Variants in SIPA1L3 observed in about 807,000 individuals in gnomAD.
SIPA1L3 encodes the protein signal induced proliferation associated 1 like 3.
A neutral mutation model predicts 150.1 loss-of-function variants in SIPA1L3; 59 were observed. The observed-to-expected ratio is 0.39, with a 90% CI of 0.32 to 0.49. SIPA1L3 has a LOEUF of 0.49. Ranked by LOEUF, SIPA1L3 falls within the 20% of genes least tolerant of loss-of-function variation. The probability of loss-of-function intolerance (pLI) is 0.86; values close to 1 mark genes in which losing one functional copy is unlikely to be tolerated. For missense variants in SIPA1L3, 2,211 were observed against 2,489.5 expected (o/e 0.89, Z 2.38); for synonymous variants, 1,070 against 1,077.6 (o/e 0.99, Z 0.14).
intron 1 of SIPA1L3, among the ~76,000 whole-genome samples, chr19:38,003,754 G>C (rs1209760662): frequency 6.6e-6 from 1 of 152,104 alleles, no homozygotes; most frequent in Non-Finnish European, 1.5e-5. Flanking sequence ...GTCCTCTCTC[G>C]GGACTGTGCC....
intron 15 of SIPA1L3, among the ~76,000 whole-genome samples, chr19:38,171,962 A>C (rs948967470): frequency 6.6e-6 from 1 of 152,188 alleles, no homozygotes; most frequent in African/African-American, 2.4e-5. Flanking sequence ...AGCAGTGGCC[A>C]GAACATTCAG....
At chr19:38,077,104 A>C (rs949603788) in intron 2 of SIPA1L3, among the ~76,000 whole-genome samples, 2 of 152,178 alleles carry the variant, frequency 1.3e-5, no homozygotes, top group Non-Finnish European at 2.9e-5. Flanking sequence ...TGGCAGGAGA[A>C]GCAGCTTCTG....
intron 1 of SIPA1L3, among the ~76,000 whole-genome samples, chr19:37,914,577 A>G (rs2046401364): frequency 1.3e-5 from 2 of 151,854 alleles, no homozygotes; most frequent in Non-Finnish European, 2.9e-5. Flanking sequence ...AGGTTACACC[A>G]TGTTGGCCAG....
At chr19:38,140,568 C>T (rs781199433) in intron 10 of SIPA1L3, among the ~76,000 whole-genome samples, 7 of 152,076 alleles carry the variant, frequency 4.6e-5, no homozygotes, top group African/African-American at 1.4e-4. Flanking sequence ...AGGACACTGG[C>T]GGCCTGGCAG....
chr19:38,018,037 G>A (rs1018186657), intron 1 of SIPA1L3, among the ~76,000 whole-genome samples: 1 of 151,096 alleles, frequency 6.6e-6, no homozygotes, highest in Non-Finnish European at 1.5e-5. Flanking sequence ...GGCTCCCTGC[G>A]TGTTTCTTTG....
intron 10 of SIPA1L3, among the ~76,000 whole-genome samples, chr19:38,136,183 CAAAAA>C (rs56146390): frequency 5.4e-4 from 24 of 44,114 alleles, no homozygotes; most frequent in African/African-American, 1.2e-3. Context: ...GAGACTGTCT[CAAAAA>C]AAAAAAAAAA....
At chr19:37,959,620 A>G (rs1339056320) in intron 1 of SIPA1L3, among the ~76,000 whole-genome samples, 1 of 152,164 alleles carries the variant, frequency 6.6e-6, no homozygotes, top group Admixed American at 6.5e-5. Flanking sequence ...TGAATTACAC[A>G]CTTTTAAAGG....
intron 7 of SIPA1L3, chr19:38,109,337 T>C (rs1036062341): frequency 6.6e-6 from 1 of 152,262 alleles, no homozygotes; most frequent in Non-Finnish European, 1.5e-5. Flanking sequence ...GTGAAACTTA[T>C]TTACTATCAC....
intron 12 of SIPA1L3, among the ~76,000 whole-genome samples, chr19:38,147,131 G>A (rs1292592199): frequency 1.3e-5 from 2 of 151,648 alleles, no homozygotes; most frequent in Non-Finnish European, 2.9e-5. Flanking sequence ...GTGTCATCTC[G>A]GCTCCCTGCA....
chr19:38,030,206 C>G (rs1968613865), intron 2 of SIPA1L3, among the ~76,000 whole-genome samples: 1 of 152,076 alleles, frequency 6.6e-6, no homozygotes, highest in Non-Finnish European at 1.5e-5. Context: ...AAACTGCCAC[C>G]ACGATCAAGA....
intron 1 of SIPA1L3, among the ~76,000 whole-genome samples, chr19:37,947,185 C>T (rs959461918): frequency 4.0e-5 from 6 of 151,296 alleles, no homozygotes; most frequent in Non-Finnish European, 7.4e-5. Context: ...CAGAGTGAGA[C>T]CTTGTCTCTT....
At chr19:38,093,403 T>C (rs2145845308) in intron 4 of SIPA1L3, among the ~76,000 whole-genome samples, 1 of 152,214 alleles carries the variant, frequency 6.6e-6, no homozygotes, top group South Asian at 2.1e-4. Flanking sequence ...TCCTTTCCTC[T>C]CAGAGCCTCA....
rs149202507 is a variant in SIPA1L3 at position 37,924,786 on chromosome 19, C to A, written c.-379+17428C>A. On this transcript the variant is annotated intron_variant, in intron 1 of 21. Coordinates refer to ENST00000222345, the MANE Select transcript of SIPA1L3 (RefSeq NM_015073.3). Reference sequence around the variant, plus strand: ...TACATGGGCTGGGTGTGGTGGCTCACGCCTGTAATCCCAGCACTTTCGGAG... The same window carrying A: ...TACATGGGCTGGGTGTGGTGGCTCAAGCCTGTAATCCCAGCACTTTCGGAG... Among the ~76,000 whole-genome samples the A allele has an allele frequency of 8.5e-5, 13 of 152,056 alleles. No homozygotes were observed. The South Asian group carries it at 2.7e-3, about 32-fold the overall frequency.
chr19:38,040,879 G>A (rs1968902630), intron 2 of SIPA1L3, among the ~76,000 whole-genome samples: 1 of 152,048 alleles, frequency 6.6e-6, no homozygotes, highest in African/African-American at 2.4e-5. Context: ...TCCTGTCTCA[G>A]CCTCCCAAGT....
At chr19:38,194,577 C>T (rs1972879193) in intron 18 of SIPA1L3, among the ~76,000 whole-genome samples, 1 of 152,210 alleles carries the variant, frequency 6.6e-6, no homozygotes, top group Non-Finnish European at 1.5e-5. Flanking sequence ...ACAGCATCTG[C>T]ACACTTACTC....
intron 14 of SIPA1L3, 139 bp downstream of exon 14, chr19:38,162,510 A>G (rs1348891923): frequency 1.2e-5 from 8 of 672,612 alleles, no homozygotes; most frequent in African/African-American, 7.2e-5. Context: ...TCTGAGTTGG[A>G]ACCAACCAGG....
At chr19:38,079,046 G>A (rs764755195) in intron 2 of SIPA1L3, among the ~76,000 whole-genome samples, 6 of 152,240 alleles carry the variant, frequency 3.9e-5, no homozygotes, top group South Asian at 2.1e-4. Flanking sequence ...CTAAACGAAC[G>A]TCCTGGACGT....
chr19:37,995,573 T>C (rs1474788287), intron 1 of SIPA1L3, among the ~76,000 whole-genome samples: 1 of 152,066 alleles, frequency 6.6e-6, no homozygotes, highest in Non-Finnish European at 1.5e-5. Flanking sequence ...CAGGGAGAAC[T>C]GTGAAGAGGG....
At chr19:37,988,659 G>T (rs917688287) in intron 1 of SIPA1L3, among the ~76,000 whole-genome samples, 4 of 152,218 alleles carry the variant, frequency 2.6e-5, no homozygotes, top group African/African-American at 9.6e-5. Context: ...CTGGGCGACA[G>T]AGCGGGACTC....
Sources: allele counts gnomAD v4.1 joint callset (sites outside exome capture counted in the v4.1 genomes callset), GRCh38; gene constraint gnomAD v4.1.1; transcripts MANE v1.5; gene names NCBI Gene and HGNC (gene_info 2026-07-23, HGNC 2026-07-21).